Variants in CSRNP3 observed in about 807,000 individuals in gnomAD.
CSRNP3 encodes cysteine and serine rich nuclear protein 3, also known as cysteine/serine-rich nuclear protein 3.
CSRNP3 carries 12 observed loss-of-function variants against 48.0 expected under a neutral mutation model. The ratio of observed to expected loss-of-function variants is 0.25; its 90% CI spans 0.16 to 0.41. The LOEUF is 0.41. Ranked by LOEUF, CSRNP3 falls within the 10% of genes least tolerant of loss-of-function variation. The pLI is 1.00. For missense variants in CSRNP3, 580 were observed against 724.4 expected (o/e 0.80, Z 2.29); for synonymous variants, 263 against 269.7 (o/e 0.98, Z 0.24).
At chr2:165,543,457 C>T (rs1376571129) in intron 3 of CSRNP3, among the ~76,000 whole-genome samples, 1 of 152,218 alleles carries the variant, frequency 6.6e-6, no homozygotes, top group East Asian at 1.9e-4. Flanking sequence ...GTTATTACCA[C>T]ATTTCCAATA....
rs114370067 is a variant in CSRNP3 at position 165,547,954 on chromosome 2, A to T, written c.-24+29993A>T. Among the ~76,000 whole-genome samples the T allele has an allele frequency of 4.6e-3, 696 of 152,226 alleles. 6 individuals carry two copies. The highest frequency in any genetic ancestry group is 0.016 in the African/African-American group (653 of 41,562). ...TTTAGTACATCATTTTACAAAGTTG[A>T]CAGAGATTATATGTGTTGTTTTCAA... On this transcript the variant is annotated intron_variant, in intron 3 of 6. Transcript: ENST00000651982.
At chr2:165,647,693 C>G (rs1686836906) in intron 4 of CSRNP3, among the ~76,000 whole-genome samples, 1 of 152,114 alleles carries the variant, frequency 6.6e-6, no homozygotes, top group African/African-American at 2.4e-5. Context: ...AGAAACCGTA[C>G]TTTGAGTACC....
chr2:165,651,657 CTT>C (rs35970195), intron 4 of CSRNP3, among the ~76,000 whole-genome samples: 15 of 132,170 alleles, frequency 1.1e-4, no homozygotes, highest in Admixed American at 2.3e-4. Context: ...ATTTTGAAAG[CTT>C]TTTTTTTTTT....
intron 4 of CSRNP3, among the ~76,000 whole-genome samples, chr2:165,646,815 T>C (rs899501897): frequency 5.9e-5 from 9 of 152,218 alleles, no homozygotes; most frequent in African/African-American, 2.2e-4. Flanking sequence ...TGATTATTTA[T>C]GTTTAGTAAC....
intron 3 of CSRNP3, among the ~76,000 whole-genome samples, chr2:165,579,475 A>G (rs1289584023): frequency 6.6e-6 from 1 of 152,034 alleles, no homozygotes; most frequent in African/African-American, 2.4e-5. Flanking sequence ...CTATTTTTCC[A>G]TTCTGACTTT....
chr2:165,470,279 C>A (rs757335803), intron 1 of CSRNP3, among the ~76,000 whole-genome samples: 15 of 151,856 alleles, frequency 9.9e-5, no homozygotes, highest in Non-Finnish European at 2.2e-4. Context: ...GCATTTAAGC[C>A]CTGTTATTTA....
At chr2:165,525,485 C>CT (rs1684719942) in intron 3 of CSRNP3, among the ~76,000 whole-genome samples, 1 of 144,720 alleles carries the variant, frequency 6.9e-6, no homozygotes, top group African/African-American at 2.6e-5. Context: ...TTTTCTTCTT[C>CT]TTCTTTTTTT....
chr2:165,536,596 T>C (rs1268716333), intron 3 of CSRNP3, among the ~76,000 whole-genome samples: 1 of 151,902 alleles, frequency 6.6e-6, no homozygotes, highest in Non-Finnish European at 1.5e-5. Flanking sequence ...CTTTATAAAA[T>C]TACTTTTAGG....
intron 1 of CSRNP3, among the ~76,000 whole-genome samples, chr2:165,474,464 G>A (rs1025300930): frequency 1.3e-5 from 2 of 151,896 alleles, no homozygotes; most frequent in African/African-American, 2.4e-5. Context: ...TAAATTCCTT[G>A]GCCTATACTC....
chr2:165,529,238 A>AG (rs1186610540), intron 3 of CSRNP3, among the ~76,000 whole-genome samples: 1 of 152,176 alleles, frequency 6.6e-6, no homozygotes, highest in Non-Finnish European at 1.5e-5. Flanking sequence ...GAGATTTGGG[A>AG]GGGGCCAGGG....
intron 3 of CSRNP3, among the ~76,000 whole-genome samples, chr2:165,527,398 C>T (rs900654447): frequency 3.3e-5 from 5 of 151,360 alleles, no homozygotes; most frequent in Non-Finnish European, 5.9e-5. Context: ...GTAGAGACGG[C>T]GTTTCACCAT....
intron 1 of CSRNP3, among the ~76,000 whole-genome samples, chr2:165,490,286 A>G (rs1313796975): frequency 6.6e-6 from 1 of 150,524 alleles, no homozygotes; most frequent in Non-Finnish European, 1.5e-5. Flanking sequence ...CCACTGCTCA[A>G]TGAAATAAAA....
At chr2:165,607,233 G>A (rs1052763621) in intron 4 of CSRNP3, among the ~76,000 whole-genome samples, 1 of 151,956 alleles carries the variant, frequency 6.6e-6, no homozygotes, top group Non-Finnish European at 1.5e-5. Context: ...TAGTATACTA[G>A]TTTTCTTTTG....
At chr2:165,521,804 G>A (rs1036749507) in intron 3 of CSRNP3, among the ~76,000 whole-genome samples, 1 of 152,094 alleles carries the variant, frequency 6.6e-6, no homozygotes, top group Non-Finnish European at 1.5e-5. Flanking sequence ...AGATGCCATT[G>A]GCACTTCATC....
At chr2:165,516,477 A>G (rs1454280472) in intron 2 of CSRNP3, among the ~76,000 whole-genome samples, 3 of 152,174 alleles carry the variant, frequency 2.0e-5, no homozygotes, top group Admixed American at 2.0e-4. Context: ...CACCACAAAA[A>G]TGATAACTAT....
rs561639201 is a variant in CSRNP3 at position 165,532,134 on chromosome 2, A to G, written c.-24+14173A>G. ...CAGCCGAATTCTACCAGAGGTACAA[A>G]GAGGAGCTGGTACCATTCCTTCTGA... On this transcript the variant is annotated intron_variant, in intron 3 of 6. Transcript: ENST00000651982. Among the ~76,000 whole-genome samples the G allele has an allele frequency of 9.8e-4, 149 of 152,188 alleles. 1 individual carries two copies. The highest frequency in any genetic ancestry group is 2.2e-3 in the African/African-American group (92 of 41,534).
At chr2:165,657,693 G>A in intron 4 of CSRNP3, 68 bp from the exon 5 acceptor site, 5 of 1,568,220 alleles carry the variant, frequency 3.2e-6, no homozygotes, top group Non-Finnish European at 3.5e-6. Flanking sequence ...TCACCAAATG[G>A]CATTTTCTTG....
intron 2 of CSRNP3, among the ~76,000 whole-genome samples, chr2:165,515,709 C>T (rs1263371071): frequency 6.6e-6 from 1 of 151,398 alleles, no homozygotes; most frequent in East Asian, 1.9e-4. Flanking sequence ...AAAAGTTGAC[C>T]TTAAATTATG....
At chr2:165,628,501 A>AT (rs1408763462) in intron 4 of CSRNP3, among the ~76,000 whole-genome samples, 4 of 152,158 alleles carry the variant, frequency 2.6e-5, no homozygotes, top group African/African-American at 9.6e-5. Context: ...AGGGGGGCAG[A>AT]TTACCTGAGG....
Sources: gnomAD v4.1 joint callset for allele counts (sites outside exome capture counted in the v4.1 genomes callset) on GRCh38, gnomAD v4.1.1 for gene constraint, MANE v1.5 for transcripts, NCBI Gene and HGNC (gene_info 2026-07-23, HGNC 2026-07-21) for gene names.